The following GFOD1 variants were observed in gnomAD, a reference collection of about 807,000 sequenced individuals.
The protein encoded by GFOD1 is Gfo/Idh/MocA-like oxidoreductase domain containing 1.
A neutral mutation model predicts 25.4 loss-of-function variants in GFOD1; 9 were observed. That is an observed-to-expected ratio of 0.35 (90% CI 0.21 to 0.62). GFOD1 has a LOEUF of 0.62. Among genes scored for constraint, GFOD1 ranks in the 20% least tolerant of loss-of-function variants. The pLI is 0.72. For synonymous variants in GFOD1, 253 were observed against 245.6 expected (o/e 1.03, Z -0.28); for missense variants, 403 against 556.9 (o/e 0.72, Z 2.78).
At chr6:13,375,689 G>T (rs574833992) in intron 1 of GFOD1, among the ~76,000 whole-genome samples, 1 of 152,218 alleles carries the variant, frequency 6.6e-6, no homozygotes, top group African/African-American at 2.4e-5. Context: ...CCGCCCATAA[G>T]GCCAAGCCCC....
At chr6:13,475,921 C>CA (rs551540977) in intron 1 of GFOD1, among the ~76,000 whole-genome samples, 28 of 151,308 alleles carry the variant, frequency 1.9e-4, no homozygotes, top group African/African-American at 4.6e-4. Context: ...GAGACTATCT[C>CA]AAAAAAAAGA....
chr6:13,454,275 T>C (rs13192043), intron 1 of GFOD1, among the ~76,000 whole-genome samples: 26,903 of 152,040 alleles, frequency 0.18, 2,497 homozygotes, highest in South Asian at 0.28. Context: ...CCTCCAGAAC[T>C]GAAAAAAATT....
At chr6:13,370,350 C>T (rs538753879) in intron 1 of GFOD1, among the ~76,000 whole-genome samples, 181 of 152,352 alleles carry the variant, frequency 1.2e-3, no homozygotes, top group African/African-American at 4.0e-3. Flanking sequence ...GGATCCCCTC[C>T]GGTTCTGAGG....
At chr6:13,461,212 C>G (rs1758284652) in intron 1 of GFOD1, among the ~76,000 whole-genome samples, 1 of 152,200 alleles carries the variant, frequency 6.6e-6, no homozygotes, top group African/African-American at 2.4e-5. Context: ...GTCTCCTTCA[C>G]AGCCCTTGGT....
Position 13,361,605 on chromosome 6 carries a change from T to C in GFOD1, c.*3138A>G, listed in dbSNP as rs1424759175. 1 of 152,190 alleles carries C rather than the reference T, an allele frequency of 6.6e-6. No individual in the cohort carries two copies. The allele number at this position is 152,190 out of a possible 1,614,324, so 9.4% of individuals were successfully genotyped here. On this transcript the variant is annotated 3_prime_UTR_variant, in exon 2 of 2. Coordinates refer to ENST00000379287, the MANE Select transcript of GFOD1 (RefSeq NM_018988.4). ...ACTGTTGAAGGCTAGAGATTTCAGC[T>C]TCATATAGCTACCCCAAATCAAGTC...
chr6:13,482,651 A>C (rs537450194), intron 1 of GFOD1, among the ~76,000 whole-genome samples: 1 of 152,196 alleles, frequency 6.6e-6, no homozygotes, highest in South Asian at 2.1e-4. Flanking sequence ...AGGAGGCTGA[A>C]GCAGGAGAAT....
intron 1 of GFOD1, among the ~76,000 whole-genome samples, chr6:13,397,144 GCC>G (rs1405215676): frequency 2.6e-5 from 4 of 152,150 alleles, no homozygotes; most frequent in Non-Finnish European, 5.9e-5. Flanking sequence ...CATTGTGGGT[GCC>G]CACAGTGGTC....
At chr6:13,423,391 A>G (rs1172733792) in intron 1 of GFOD1, among the ~76,000 whole-genome samples, 2 of 152,208 alleles carry the variant, frequency 1.3e-5, no homozygotes, top group Admixed American at 1.3e-4. Flanking sequence ...CCTGACACAC[A>G]GGAAGCAACG....
At chr6:13,421,966 C>T (rs1180728919) in intron 1 of GFOD1, among the ~76,000 whole-genome samples, 1 of 152,180 alleles carries the variant, frequency 6.6e-6, no homozygotes, top group Non-Finnish European at 1.5e-5. Flanking sequence ...AATCTGAAAT[C>T]ATGAGCTACA....
chr6:13,457,091 G>A (rs1758202500), intron 1 of GFOD1, among the ~76,000 whole-genome samples: 1 of 152,196 alleles, frequency 6.6e-6, no homozygotes, highest in Non-Finnish European at 1.5e-5. Context: ...ACAGCTAGCA[G>A]AGCAGGTCCA....
rs907611053 is a variant in GFOD1, at chr6:13,454,369, A to G, written c.253+32269T>C. 1.1e-4 allele frequency among the ~76,000 whole-genome samples: 17 copies of G among 152,344 alleles called. No homozygotes were observed. In the East Asian group the frequency reaches 3.3e-3, roughly 29 times the overall value. The stretch of plus-strand genomic sequence containing the variant: ...CTAATATAAGCCCATCAAACTGCTA[A>G]AAGACATTAGCTAGAATCAGCAATG... On this transcript the variant is annotated intron_variant, in intron 1 of 1. Coordinates refer to ENST00000379287, the MANE Select transcript of GFOD1 (RefSeq NM_018988.4).
At chr6:13,399,347 C>T (rs372361289) in intron 1 of GFOD1, among the ~76,000 whole-genome samples, 1 of 152,154 alleles carries the variant, frequency 6.6e-6, no homozygotes, top group Non-Finnish European at 1.5e-5. Flanking sequence ...CAAAGGCTTA[C>T]TCTAAAGCCC....
At chr6:13,399,252 A>T (rs529385955) in intron 1 of GFOD1, among the ~76,000 whole-genome samples, 1 of 152,220 alleles carries the variant, frequency 6.6e-6, no homozygotes, top group East Asian at 1.9e-4. Context: ...GACTCAAGTG[A>T]TTGGCCCGCC....
intron 1 of GFOD1, among the ~76,000 whole-genome samples, chr6:13,483,093 C>A (rs183689260): frequency 6.6e-6 from 1 of 152,052 alleles, no homozygotes; most frequent in East Asian, 1.9e-4. Flanking sequence ...GAAATTTGTA[C>A]CACATGAATA....
At position 13,364,815 on chromosome 6, in the gene GFOD1, C is replaced by T; in HGVS notation, c.1101G>A (p.Glu367=). Residue 367 remains glutamate (E), a synonymous_variant, in exon 2 of 2, where the codon GAG becomes GAA. Transcript: ENST00000379287. This position sits in a 1 kb window ranked among gnomAD's most constrained non-coding sequence, Gnocchi z 4.1. ...GEWQNIAIMT[E]EPELSPAYLI... ...GGTAGGCGGGGCTCAGCTCCGGCTC[C>T]TCGGTCATGATGGCAATGTTCTGCC... 1 of 1,614,042 alleles carries T rather than the reference C, an allele frequency of 6.2e-7. No individual in the cohort carries two copies. The highest frequency in any genetic ancestry group is 8.5e-7 in the Non-Finnish European group (1 of 1,180,032).
At chr6:13,411,098 A>C (rs915231194) in intron 1 of GFOD1, among the ~76,000 whole-genome samples, 2 of 152,154 alleles carry the variant, frequency 1.3e-5, no homozygotes, top group African/African-American at 4.8e-5. Context: ...TTATAGGACA[A>C]ATGAGACTGT....
intron 1 of GFOD1, among the ~76,000 whole-genome samples, chr6:13,433,829 T>C (rs1284045097): frequency 6.6e-6 from 1 of 152,164 alleles, no homozygotes; most frequent in Non-Finnish European, 1.5e-5. Context: ...GCCCAAACCA[T>C]GAGAGTCAGT....
chr6:13,457,209 G>A (rs933915918), intron 1 of GFOD1, among the ~76,000 whole-genome samples: 7 of 152,184 alleles, frequency 4.6e-5, no homozygotes, highest in Non-Finnish European at 1.0e-4. Flanking sequence ...AAGCAAATGG[G>A]CACCTGCCAG....
chr6:13,465,898 C>T (rs1454718273), intron 1 of GFOD1, among the ~76,000 whole-genome samples: 2 of 152,210 alleles, frequency 1.3e-5, no homozygotes, highest in African/African-American at 4.8e-5. Context: ...ACCCAGCTGA[C>T]ACAGGAAACT....
Sources: gnomAD v4.1 joint callset for allele counts (sites outside exome capture counted in the v4.1 genomes callset) on GRCh38, gnomAD v4.1.1 for gene constraint, Gnocchi (gnomAD v3.1) non-coding constraint, MANE v1.5 for transcripts, NCBI Gene and HGNC (gene_info 2026-07-23, HGNC 2026-07-21) for gene names.